Variants in NIBAN1 observed in about 807,000 individuals in gnomAD.
The protein encoded by NIBAN1 is niban apoptosis regulator 1, also known as protein Niban 1.
NIBAN1 carries 81 observed loss-of-function variants against 75.1 expected under a neutral mutation model. The observed-to-expected ratio is 1.08, with a 90% CI of 0.90 to 1.30. The LOEUF (loss-of-function observed/expected upper bound fraction) is 1.30, where lower values mean the gene tolerates loss of function less well. Ranked by LOEUF, NIBAN1 falls within the 50% of genes most tolerant of loss-of-function variation. The pLI is 0.00. For missense variants in NIBAN1, 1,133 were observed against 1,128.1 expected, an observed-to-expected ratio of 1.00 and a Z score of -0.06; for synonymous variants, 436 against 424.8, an observed-to-expected ratio of 1.03 and a Z score of -0.32.
chr1:184,870,496 C>G (rs985175468), intron 5 of NIBAN1, among the ~76,000 whole-genome samples: 2 of 152,184 alleles, frequency 1.3e-5, no homozygotes, highest in East Asian at 3.9e-4. Flanking sequence ...AAGTTCTGAA[C>G]GTCAGGTTTA....
Position 184,794,885 on chromosome 1 carries a change from AT to A in NIBAN1, c.*91del. 3 of 1,561,606 alleles carry A rather than the reference AT, an allele frequency of 1.9e-6. No homozygotes were observed. Among genetic ancestry groups the A allele is most frequent in the Non-Finnish European group, 1.7e-6 (2 of 1,146,086 alleles). ...ATTCAAATTAAGAAAATACTTAAAA[AT>A]TTTTTGGTAACAGCTTGCATGCAAC... On this transcript the variant is annotated 3_prime_UTR_variant, in exon 14 of 14. Transcript: ENST00000367511.
At chr1:184,942,348 C>T (rs1173240541) in intron 1 of NIBAN1, among the ~76,000 whole-genome samples, 3 of 152,214 alleles carry the variant, frequency 2.0e-5, no homozygotes, top group Non-Finnish European at 2.9e-5. Flanking sequence ...TTATAAAATA[C>T]AAAAACAGCT....
rs536849880 is a variant in NIBAN1, at chr1:184,854,603, A to G, written c.602-22641T>C. On this transcript the variant is annotated intron_variant, in intron 5 of 13. Transcript: ENST00000367511. The stretch of plus-strand genomic sequence containing the variant: ...GAGGGCTCTCTAACAACAATGCCAT[A>G]TGGTAATATTCCTGCTCAGTTTGGT... Among the ~76,000 whole-genome samples, 13 of 152,340 alleles carry G rather than the reference A, an allele frequency of 8.5e-5. No individual in the cohort carries two copies. In the South Asian group the frequency reaches 2.7e-3, roughly 32 times the overall value.
At chr1:184,819,110 T>C (rs1654622288) in intron 8 of NIBAN1, among the ~76,000 whole-genome samples, 1 of 152,130 alleles carries the variant, frequency 6.6e-6, no homozygotes, top group Non-Finnish European at 1.5e-5. Flanking sequence ...ATGCAACTCT[T>C]CATATGAAGA....
chr1:184,820,052 C>T (rs1193679024), intron 8 of NIBAN1, among the ~76,000 whole-genome samples: 1 of 152,032 alleles, frequency 6.6e-6, no homozygotes, highest in East Asian at 1.9e-4. Context: ...TAAAATATTA[C>T]ACAAGTCATA....
intron 1 of NIBAN1, among the ~76,000 whole-genome samples, chr1:184,960,563 G>A (rs1047054225): frequency 2.0e-5 from 3 of 152,138 alleles, no homozygotes; most frequent in Non-Finnish European, 4.4e-5. Context: ...CAAAGACCCT[G>A]CTTTCATACA....
intron 5 of NIBAN1, chr1:184,867,932 G>A (rs1342268893): frequency 3.9e-5 from 38 of 985,226 alleles, no homozygotes; most frequent in Non-Finnish European, 4.2e-5. Flanking sequence ...GTCACACAAC[G>A]GGACAGTGTG....
chr1:184,897,119 T>A (rs1234346072), intron 2 of NIBAN1, among the ~76,000 whole-genome samples: 6 of 152,154 alleles, frequency 3.9e-5, no homozygotes, highest in Non-Finnish European at 5.9e-5. Flanking sequence ...TGGAGCTGTA[T>A]ATTGCTTTGG....
intron 9 of NIBAN1, among the ~76,000 whole-genome samples, chr1:184,816,260 T>C (rs1378709216): frequency 1.3e-5 from 2 of 152,186 alleles, no homozygotes; most frequent in Non-Finnish European, 2.9e-5. Context: ...TGTGCTGTAT[T>C]CTCTCAAAGG....
chr1:184,814,380 T>C (rs189784946), intron 9 of NIBAN1, among the ~76,000 whole-genome samples: 41 of 152,298 alleles, frequency 2.7e-4, no homozygotes, highest in Non-Finnish European at 5.7e-4. Flanking sequence ...AGCTTTAACA[T>C]TAAAAATACA....
At chr1:184,816,559 C>T (rs1034083047) in intron 9 of NIBAN1, among the ~76,000 whole-genome samples, 18 of 152,218 alleles carry the variant, frequency 1.2e-4, no homozygotes, top group Admixed American at 8.5e-4. Context: ...TAGGCCCCAA[C>T]AAACCAAACC....
At chr1:184,956,145 C>T (rs1487214904) in intron 1 of NIBAN1, among the ~76,000 whole-genome samples, 4 of 152,060 alleles carry the variant, frequency 2.6e-5, no homozygotes, top group African/African-American at 7.2e-5. Flanking sequence ...CTTCCTACCT[C>T]AGCCTCCTTA....
intron 1 of NIBAN1, among the ~76,000 whole-genome samples, chr1:184,944,236 T>C (rs973562251): frequency 6.6e-6 from 1 of 152,202 alleles, no homozygotes; most frequent in Non-Finnish European, 1.5e-5. Flanking sequence ...TTGTTGTCCA[T>C]CTTTCTGGTG....
chr1:184,940,249 C>T lies in NIBAN1; in HGVS notation c.55+34053G>A, dbSNP rs78139923. On this transcript the variant is annotated intron_variant, in intron 1 of 13. Transcript: ENST00000367511. ...CCAGGAGCCAAAACCCCTGGATTGCCGGCACCAGCAGAACCGTGGCTGGAC... is the reference window on the plus strand; with the variant it reads ...CCAGGAGCCAAAACCCCTGGATTGCTGGCACCAGCAGAACCGTGGCTGGAC... Among the ~76,000 whole-genome samples the T allele has an allele frequency of 3.6e-3, 547 of 152,240 alleles. 3 individuals are homozygous for T. The highest frequency in any genetic ancestry group is 0.013 in the African/African-American group (524 of 41,544).
At position 184,796,108 on chromosome 1, in the gene NIBAN1, T is replaced by C. The variant is rs757347345; in HGVS notation, c.1667-11A>G. The C allele has an allele frequency of 3.3e-6, 5 of 1,494,390 alleles. No homozygotes were observed. The African/African-American group carries it at 5.6e-5, about 17-fold the overall frequency. 92.6% of individuals were successfully genotyped at this position (1,494,390 alleles called of 1,614,324 possible). On this transcript the variant is annotated splice_polypyrimidine_tract_variant and intron_variant, in intron 13 of 13. Coordinates refer to ENST00000367511, the MANE Select transcript of NIBAN1 (RefSeq NM_052966.4). The stretch of plus-strand genomic sequence containing the variant: ...CAGCTTCCTTTATCACTGAGAGATA[T>C]CAGAAAACAAAACATGATTTTCTGA...
intron 6 of NIBAN1, among the ~76,000 whole-genome samples, chr1:184,827,562 T>TTTTTTTTTG (rs1380840674): frequency 2.7e-5 from 4 of 148,824 alleles, no homozygotes; most frequent in Non-Finnish European, 5.9e-5. Flanking sequence ...ATACTTCAGT[T>TTTTTTTTTG]TTTTTTTTTT....
chr1:184,838,515 A>T (rs183959679), intron 5 of NIBAN1, among the ~76,000 whole-genome samples: 2 of 152,308 alleles, frequency 1.3e-5, no homozygotes, highest in African/African-American at 4.8e-5. Context: ...CTGTGTAGGA[A>T]TGCACTATTC....
chr1:184,891,136 T>A (rs1243361710), intron 3 of NIBAN1, among the ~76,000 whole-genome samples: 1 of 152,166 alleles, frequency 6.6e-6, no homozygotes, highest in Admixed American at 6.5e-5. Context: ...GAGATCCAAA[T>A]GAAACAAACT....
chr1:184,967,204 C>CCTCTCT (rs369227508), intron 1 of NIBAN1, among the ~76,000 whole-genome samples: 6 of 147,314 alleles, frequency 4.1e-5, no homozygotes, highest in African/African-American at 1.3e-4. Flanking sequence ...TCTTTCCCTC[C>CCTCTCT]CTCTCTCTCT....
Sources: gnomAD v4.1 joint callset for allele counts (sites outside exome capture counted in the v4.1 genomes callset) on GRCh38, gnomAD v4.1.1 for gene constraint, MANE v1.5 for transcripts, NCBI Gene and HGNC (gene_info 2026-07-23, HGNC 2026-07-21) for gene names.